The following PPP4R3B variants were observed in gnomAD, a reference collection of about 807,000 sequenced individuals.
PPP4R3B encodes protein phosphatase 4 regulatory subunit 3B.
Under a neutral mutation model 95.4 loss-of-function variants are expected in PPP4R3B, and 52 were observed. The ratio of observed to expected loss-of-function variants is 0.54; its 90% CI spans 0.44 to 0.69. The LOEUF (loss-of-function observed/expected upper bound fraction) is 0.69, where lower values mean the gene tolerates loss of function less well. Among genes scored for constraint, PPP4R3B ranks in the 30% least tolerant of loss-of-function variants. The probability of loss-of-function intolerance (pLI) is 0.00; values close to 1 mark genes in which losing one functional copy is unlikely to be tolerated. For missense variants in PPP4R3B, 1,003 were observed against 1,005.9 expected (o/e 1.00, Z 0.04); for synonymous variants, 407 against 343.9 (o/e 1.18, Z -2.03).
chr2:55,565,056 A>C lies in PPP4R3B; in HGVS notation c.1936-15T>G. 1 of 1,542,134 alleles carries C rather than the reference A, an allele frequency of 6.5e-7. No individual in the cohort carries two copies. On this transcript the variant is annotated splice_polypyrimidine_tract_variant and intron_variant, in intron 13 of 16. Coordinates refer to ENST00000616407, the MANE Select transcript of PPP4R3B (RefSeq NM_001122964.3). ...TTGATATCTTCCTGTATAAGCACAA[A>C]ATTTACATTTAAAATATAATACAAT...
At chr2:55,573,900 T>TC in intron 11 of PPP4R3B, 123 bp from the exon 12 acceptor site, 1 of 782,566 alleles carries the variant, frequency 1.3e-6, no homozygotes, top group Admixed American at 4.0e-5. Context: ...TTTTTTTTTT[T>TC]TTTTTTGAGA....
intron 2 of PPP4R3B, among the ~76,000 whole-genome samples, chr2:55,609,749 A>G (rs112904725): frequency 6.6e-6 from 1 of 151,550 alleles, no homozygotes; most frequent in Non-Finnish European, 1.5e-5. Context: ...GATGGAAAAG[A>G]AAAAAAAAGC....
At chr2:55,597,623 A>AAAACAAACAAACAAAC (rs113216757) in intron 4 of PPP4R3B, among the ~76,000 whole-genome samples, 1 of 148,888 alleles carries the variant, frequency 6.7e-6, no homozygotes, top group Non-Finnish European at 1.5e-5. Context: ...CTCCGTCTCA[A>AAAACAAACAAACAAAC]AAACAAACAA....
chr2:55,579,508 A>AC (rs34837613), intron 9 of PPP4R3B, among the ~76,000 whole-genome samples, 171 bp downstream of exon 9: 67,915 of 151,814 alleles, frequency 0.45, 16,052 homozygotes, highest in Non-Finnish European at 0.52. Context: ...TTTATCATTC[A>AC]CTTCCATAAC....
intron 1 of PPP4R3B, 53 bp downstream of exon 1, chr2:55,617,091 C>G: frequency 6.5e-7 from 1 of 1,537,966 alleles, no homozygotes; most frequent in Non-Finnish European, 8.8e-7. Context: ...TAAACCCAAG[C>G]TGTGCCCCAA....
chr2:55,603,021 C>T (rs78091944), intron 3 of PPP4R3B, among the ~76,000 whole-genome samples: 2,643 of 149,592 alleles, frequency 0.018, 32 homozygotes, highest in Middle Eastern at 0.035. Flanking sequence ...GTGGCATTAT[C>T]TTGGCTCACT....
intron 15 of PPP4R3B, among the ~76,000 whole-genome samples, chr2:55,559,247 G>T (rs1028815508): frequency 6.6e-6 from 1 of 152,086 alleles, no homozygotes. Context: ...TTGGGAGGCT[G>T]AGGCAGGAGA....
intron 13 of PPP4R3B, chr2:55,567,914 C>T (rs1339764851): frequency 5.7e-6 from 1 of 175,740 alleles, no homozygotes; most frequent in African/African-American, 2.4e-5. Context: ...AAAGACTATG[C>T]TGAATTTCAC....
At chr2:55,595,589 G>T (rs1691650955) in intron 4 of PPP4R3B, among the ~76,000 whole-genome samples, 1 of 151,838 alleles carries the variant, frequency 6.6e-6, no homozygotes, top group Non-Finnish European at 1.5e-5. Context: ...ACAGCTATAT[G>T]ATCCAAAATT....
chr2:55,581,789 A>G, intron 7 of PPP4R3B, 91 bp from the exon 8 acceptor site: 3 of 1,359,888 alleles, frequency 2.2e-6, no homozygotes, highest in Non-Finnish European at 2.9e-6. Context: ...GCAAAGTGAG[A>G]ATTATATAGA....
At chr2:55,583,703 G>C (rs1019126181) in intron 7 of PPP4R3B, among the ~76,000 whole-genome samples, 2 of 152,156 alleles carry the variant, frequency 1.3e-5, no homozygotes, top group Non-Finnish European at 2.9e-5. Flanking sequence ...TTTAAAGTCA[G>C]AATTAGCATC....
chr2:55,564,149 CCAGA>C (rs928419952), intron 15 of PPP4R3B, among the ~76,000 whole-genome samples, 160 bp downstream of exon 15: 6 of 152,072 alleles, frequency 3.9e-5, no homozygotes, highest in Non-Finnish European at 7.4e-5. Flanking sequence ...AAAAGAATTC[CCAGA>C]CAGATTTGGA....
Position 55,549,748 on chromosome 2 carries a change from T to A in PPP4R3B, c.*163A>T. The stretch of plus-strand genomic sequence containing the variant: ...CAAGCAATCAAGTTCCTGGGAAGCC[T>A]GATTTTTATTAGAACTAAACTCTCT... On this transcript the variant is annotated 3_prime_UTR_variant, in exon 17 of 17. Coordinates refer to ENST00000616407, the MANE Select transcript of PPP4R3B (RefSeq NM_001122964.3). 1 of 587,836 alleles carries A rather than the reference T, an allele frequency of 1.7e-6. No individual in the cohort carries two copies. Among genetic ancestry groups the A allele is most frequent in the Non-Finnish European group, 2.9e-6 (1 of 341,700 alleles). The allele number at this position is 587,836 out of a possible 1,614,324, so 36.4% of individuals were successfully genotyped here.
At chr2:55,592,327 G>C (rs1364129695) in intron 4 of PPP4R3B, among the ~76,000 whole-genome samples, 34 of 152,088 alleles carry the variant, frequency 2.2e-4, no homozygotes, top group Admixed American at 2.2e-3. Context: ...TGAGGTTTTT[G>C]TCACTCCTAC....
intron 4 of PPP4R3B, 87 bp from the exon 5 acceptor site, chr2:55,589,043 A>T: frequency 1.3e-6 from 1 of 798,554 alleles, no homozygotes; most frequent in Non-Finnish European, 2.0e-6. Flanking sequence ...TATAAAAAAT[A>T]GTTGACAAGT....
At position 55,551,958 on chromosome 2, in the gene PPP4R3B, C is replaced by A. The variant is rs775348628; in HGVS notation, c.2455-1952G>T. Reference sequence around the variant, plus strand: ...TATAAAAAGGCACCAATCTGATAATCAAAAAGATGACAGCAAAGTTACAAA... The same window carrying A: ...TATAAAAAGGCACCAATCTGATAATAAAAAAGATGACAGCAAAGTTACAAA... On this transcript the variant is annotated intron_variant, in intron 16 of 16. Coordinates refer to ENST00000616407, the MANE Select transcript of PPP4R3B (RefSeq NM_001122964.3). Among the ~76,000 whole-genome samples the A allele has an allele frequency of 1.3e-5, 2 of 152,182 alleles. 1 individual carries two copies. Among genetic ancestry groups the A allele is most frequent in the South Asian group, 4.1e-4 (2 of 4,822 alleles).
In PPP4R3B at chr2:55,579,710, C is replaced by A. The variant is rs757318017; in HGVS notation, c.1437G>T (p.Leu479Phe). The A allele has an allele frequency of 4.4e-6, 7 of 1,606,438 alleles. No homozygotes were observed. The South Asian group carries it at 7.8e-5, about 18-fold the overall frequency. Residue 479 changes from leucine (L) to phenylalanine (F), a missense_variant, in exon 9 of 17, where the codon TTG (leucine) becomes TTT (phenylalanine). Physicochemically the swap from Leu to Phe is conservative, Grantham distance 22 (BLOSUM62 0). Transcript: ENST00000616407. Reference sequence around the variant, plus strand: ...CACATTTGTCTTCTGAAGTATTGGTCAAAAGTGGTGCTGTGAGAACATGCA... The same window carrying A: ...CACATTTGTCTTCTGAAGTATTGGTAAAAAGTGGTGCTGTGAGAACATGCA... ...HCMHVLTAPL[L>F]TNTSEDKCEK...
chr2:55,591,721 C>G, intron 4 of PPP4R3B: 2 of 896,838 alleles, frequency 2.2e-6, no homozygotes, highest in Non-Finnish European at 2.7e-6. Context: ...CAGATAGAGG[C>G]AATCTCAATT....
chr2:55,589,347 C>CAAA (rs78409391), intron 4 of PPP4R3B, among the ~76,000 whole-genome samples: 1 of 151,904 alleles, frequency 6.6e-6, no homozygotes, highest in Non-Finnish European at 1.5e-5. Context: ...ATTAGAAAAA[C>CAAA]AAGAATTGTA....
Sources: gnomAD v4.1 joint callset for allele counts (sites outside exome capture counted in the v4.1 genomes callset) on GRCh38, gnomAD v4.1.1 for gene constraint, MANE v1.5 for transcripts, NCBI Gene and HGNC (gene_info 2026-07-23, HGNC 2026-07-21) for gene names.